ROBO1: variants seen among roughly 807,000 people sequenced by gnomAD.
The protein encoded by ROBO1 is roundabout homolog 1.
In ROBO1, 149 loss-of-function variants were observed where a neutral mutation model predicts 195.9. The ratio of observed to expected loss-of-function variants is 0.76; its 90% CI spans 0.67 to 0.87. The LOEUF (loss-of-function observed/expected upper bound fraction) is 0.87. Among genes scored for constraint, ROBO1 ranks in the 40% least tolerant of loss-of-function variants. ROBO1 has a pLI of 0.00. For missense variants in ROBO1, 1,933 were observed against 2,068.3 expected, an observed-to-expected ratio of 0.93 and a Z score of 1.27; for synonymous variants, 816 against 733.2, an observed-to-expected ratio of 1.11 and a Z score of -1.82.
chr3:79,335,206 T>C (rs1377296564), intron 2 of ROBO1, among the ~76,000 whole-genome samples: 2 of 152,202 alleles, frequency 1.3e-5, no homozygotes, highest in African/African-American at 4.8e-5. Context: ...GTAGTACAAA[T>C]TTACTACATA....
rs1157666214 is a variant in ROBO1 at position 78,804,894 on chromosome 3, C to A, written c.500-57994G>T. Among the ~76,000 whole-genome samples the A allele has an allele frequency of 2.0e-5, 3 of 152,242 alleles. No homozygotes were observed. The East Asian group carries it at 5.8e-4, about 29-fold the overall frequency. On this transcript the variant is annotated intron_variant, in intron 4 of 30. Transcript: ENST00000464233. Reference sequence around the variant, plus strand: ...ATTGGTTGGGTTCATCTGCTTCAGGCATTTCTCTTTTAAGCTCAGCACTTC... The same window carrying A: ...ATTGGTTGGGTTCATCTGCTTCAGGAATTTCTCTTTTAAGCTCAGCACTTC...
intron 8 of ROBO1, among the ~76,000 whole-genome samples, chr3:78,713,182 C>CT (rs923628811): frequency 6.6e-6 from 1 of 152,020 alleles, no homozygotes; most frequent in African/African-American, 2.4e-5. Flanking sequence ...CTTGATCTTT[C>CT]TTTTTTTCCT....
intron 3 of ROBO1, among the ~76,000 whole-genome samples, chr3:79,045,584 A>G (rs1478442544): frequency 6.6e-6 from 1 of 152,128 alleles, no homozygotes; most frequent in Non-Finnish European, 1.5e-5. Flanking sequence ...AGAATTAACA[A>G]TTGTTTAAAA....
At chr3:78,710,473 C>T (rs990073018) in intron 8 of ROBO1, among the ~76,000 whole-genome samples, 1 of 152,094 alleles carries the variant, frequency 6.6e-6, no homozygotes, top group African/African-American at 2.4e-5. Context: ...ATTTTTCTAA[C>T]CACCTAATAA....
At chr3:78,888,883 C>CA (rs1456131599) in intron 4 of ROBO1, among the ~76,000 whole-genome samples, 4 of 152,142 alleles carry the variant, frequency 2.6e-5, no homozygotes, top group Non-Finnish European at 4.4e-5. Flanking sequence ...ATATATGAGT[C>CA]ATTTGAAAAA....
chr3:79,295,725 T>C (rs2032552849), intron 2 of ROBO1, among the ~76,000 whole-genome samples: 1 of 152,198 alleles, frequency 6.6e-6, no homozygotes, highest in South Asian at 2.1e-4. Context: ...TGTGCTTATT[T>C]TGTTTCAGTG....
At chr3:78,921,669 A>G (rs1253090450) in intron 4 of ROBO1, among the ~76,000 whole-genome samples, 3 of 152,242 alleles carry the variant, frequency 2.0e-5, no homozygotes, top group Non-Finnish European at 4.4e-5. Flanking sequence ...GTAAAAGTTC[A>G]CTGACACAGA....
intron 4 of ROBO1, among the ~76,000 whole-genome samples, chr3:78,829,144 T>C (rs2031912133): frequency 6.6e-6 from 1 of 152,118 alleles, no homozygotes; most frequent in South Asian, 2.1e-4. Flanking sequence ...TAAGCTTCCA[T>C]CTCAAGTATG....
chr3:79,702,085 TATC>T lies in ROBO1; in HGVS notation c.-51+65664_-51+65666del, dbSNP rs1947638357. ...TATATTGCACACAAATAAAACTAAA[TATC>T]ATCAGGTAAATATCATCGTTGAAAC... On this transcript the variant is annotated intron_variant, in intron 1 of 30. Coordinates refer to ENST00000464233, the MANE Select transcript of ROBO1 (RefSeq NM_002941.4). Among the ~76,000 whole-genome samples, 4 of 151,808 alleles carry T rather than the reference TATC, an allele frequency of 2.6e-5. No individual in the cohort carries two copies. The South Asian group carries it at 6.2e-4, about 24-fold the overall frequency.
At chr3:79,695,023 A>G (rs1466720516) in intron 1 of ROBO1, among the ~76,000 whole-genome samples, 1 of 151,538 alleles carries the variant, frequency 6.6e-6, no homozygotes, top group African/African-American at 2.4e-5. Flanking sequence ...TCATTTTAAA[A>G]CCAAAAGAAG....
intron 2 of ROBO1, among the ~76,000 whole-genome samples, chr3:79,472,915 T>C (rs1343719083): frequency 6.6e-6 from 1 of 152,086 alleles, no homozygotes; most frequent in Non-Finnish European, 1.5e-5. Context: ...GCTTTTAAAC[T>C]AAGAGCTAAA....
chr3:79,151,231 A>C (rs2080762999), intron 2 of ROBO1, among the ~76,000 whole-genome samples: 1 of 151,804 alleles, frequency 6.6e-6, no homozygotes, highest in African/African-American at 2.4e-5. Context: ...ACCCAGTCTC[A>C]GGTGTGTCTT....
At chr3:79,127,360 T>A (rs2080236071) in intron 2 of ROBO1, among the ~76,000 whole-genome samples, 1 of 152,184 alleles carries the variant, frequency 6.6e-6, no homozygotes, top group African/African-American at 2.4e-5. Flanking sequence ...AATTGCTTGG[T>A]CAAATGCATG....
intron 2 of ROBO1, among the ~76,000 whole-genome samples, chr3:79,140,549 C>T (rs1235796103): frequency 5.3e-5 from 8 of 152,010 alleles, no homozygotes; most frequent in Non-Finnish European, 1.0e-4. Flanking sequence ...TTATGATAAT[C>T]CTATATACCT....
rs147801165 is a variant in ROBO1, at chr3:78,910,308, G to A, written c.499+28293C>T. Among the ~76,000 whole-genome samples the A allele has an allele frequency of 4.9e-4, 74 of 151,896 alleles. No homozygotes were observed. In the East Asian group the frequency reaches 0.011, roughly 23 times the overall value. ...TTTTATATACATAACAGAGGCAAAC[G>A]TCCAGAAAGTTTTGTGTTTGTTTTT... On this transcript the variant is annotated intron_variant, in intron 4 of 30. Coordinates refer to ENST00000464233, the MANE Select transcript of ROBO1 (RefSeq NM_002941.4).
In ROBO1 at chr3:79,531,940, G is replaced by T. The variant is rs150049348; in HGVS notation, c.88+57884C>A. ...AATTGTAGAGATAGTAGGAACAGGA[G>T]AATTAAGAGAGAGTAGAGAGTTTAG... On this transcript the variant is annotated intron_variant, in intron 2 of 30. Coordinates refer to ENST00000464233, the MANE Select transcript of ROBO1 (RefSeq NM_002941.4). Among the ~76,000 whole-genome samples the T allele has an allele frequency of 4.6e-3, 696 of 152,262 alleles. 4 individuals are homozygous for T. The highest frequency in any genetic ancestry group is 0.016 in the African/African-American group (661 of 41,570).
intron 2 of ROBO1, among the ~76,000 whole-genome samples, chr3:79,523,472 C>CTTT (rs11357932): frequency 1.0e-5 from 1 of 100,436 alleles, no homozygotes; most frequent in Non-Finnish European, 1.9e-5. Flanking sequence ...TTTTTTTTTT[C>CTTT]TTTTTTTTTT....
chr3:79,689,228 A>G (rs1238807451), intron 1 of ROBO1, among the ~76,000 whole-genome samples: 1 of 152,014 alleles, frequency 6.6e-6, no homozygotes, highest in Non-Finnish European at 1.5e-5. Context: ...CTCACTTTTA[A>G]GTAATTTTAA....
At chr3:79,191,183 A>G (rs2108755593) in intron 2 of ROBO1, among the ~76,000 whole-genome samples, 1 of 151,704 alleles carries the variant, frequency 6.6e-6, no homozygotes, top group South Asian at 2.1e-4. Flanking sequence ...TCTTTTCCTG[A>G]AAAATTGTTT....
Sources: allele counts gnomAD v4.1 joint callset (sites outside exome capture counted in the v4.1 genomes callset), GRCh38; gene constraint gnomAD v4.1.1; transcripts MANE v1.5; gene names NCBI Gene and HGNC (gene_info 2026-07-23, HGNC 2026-07-21).